TIGAR: variants seen among roughly 807,000 people sequenced by gnomAD.
TIGAR encodes the protein TP53 induced glycolysis regulatory phosphatase, also known as fructose-2,6-bisphosphatase TIGAR.
In TIGAR, 7 loss-of-function variants were observed where a neutral mutation model predicts 17.9. The ratio of observed to expected loss-of-function variants is 0.39; its 90% CI spans 0.22 to 0.73. The LOEUF is 0.73. Among genes scored for constraint, TIGAR ranks in the 30% least tolerant of loss-of-function variants. The pLI, the probability that TIGAR is intolerant of heterozygous loss-of-function variation, is 0.42. For missense variants in TIGAR, 258 were observed against 327.4 expected (o/e 0.79, Z 1.64); for synonymous variants, 94 against 108.6 (o/e 0.87, Z 0.84).
At chr12:4,324,734 GTCCC>G in intron 1 of TIGAR, 4 of 753,324 alleles carry the variant, frequency 5.3e-6, no homozygotes, top group Admixed American at 2.0e-5. Context: ...GACACGTCCC[GTCCC>G]GCAGCTGGTC....
At chr12:4,327,580 A>T in intron 1 of TIGAR, among the ~76,000 whole-genome samples, 1 of 152,148 alleles carries the variant, frequency 6.6e-6, no homozygotes, top group Non-Finnish European at 1.5e-5. Flanking sequence ...TTACAGGAAT[A>T]TACTCTCAAA....
intron 1 of TIGAR, among the ~76,000 whole-genome samples, chr12:4,330,559 T>G (rs1323546983): frequency 6.6e-6 from 1 of 152,248 alleles, no homozygotes; most frequent in Non-Finnish European, 1.5e-5. Context: ...ATTGTTAACC[T>G]ATCCTGCTGT....
rs1300285486 is a variant in TIGAR at position 4,358,171 on chromosome 12, A to G, written c.*5480A>G. 1.3e-5 allele frequency among the ~76,000 whole-genome samples: 2 copies of G among 151,390 alleles called. No homozygotes were observed. Among genetic ancestry groups the G allele is most frequent in the African/African-American group, 4.9e-5 (2 of 41,234 alleles). On this transcript the variant is annotated 3_prime_UTR_variant, in exon 6 of 6. Coordinates refer to ENST00000179259, the MANE Select transcript of TIGAR (RefSeq NM_020375.3). ...CATGGTGACTCAGGCCTGTAATCCC[A>G]GCACTTTGGGAGGCCAAGGTGGGTG...
At chr12:4,349,340 A>G (rs1412420812) in intron 3 of TIGAR, among the ~76,000 whole-genome samples, 1 of 152,204 alleles carries the variant, frequency 6.6e-6, no homozygotes, top group Non-Finnish European at 1.5e-5. Context: ...GAGAATATCA[A>G]AATCAGGAAT....
intron 2 of TIGAR, among the ~76,000 whole-genome samples, chr12:4,336,291 C>T (rs1464428583): frequency 6.6e-6 from 1 of 152,198 alleles, no homozygotes; most frequent in Non-Finnish European, 1.5e-5. Flanking sequence ...CCGTCCCCTC[C>T]AGCAGGCCTC....
At position 4,359,137 on chromosome 12, in the gene TIGAR, T is replaced by C. The variant is rs1864947326; in HGVS notation, c.*6446T>C. 6.6e-6 allele frequency among the ~76,000 whole-genome samples: 1 copy of C among 151,670 alleles called. No homozygotes were observed. Among genetic ancestry groups the C allele is most frequent in the Non-Finnish European group, 1.5e-5 (1 of 67,948 alleles). On this transcript the variant is annotated 3_prime_UTR_variant, in exon 6 of 6. Transcript: ENST00000179259. ...TTTTTTCTTTAGCCAACTCACGCCA[T>C]GACTCTACTTTTGCTTCTATGTTTA...
intron 1 of TIGAR, chr12:4,324,363 G>T: frequency 2.9e-5 from 25 of 859,490 alleles, no homozygotes; most frequent in Non-Finnish European, 4.8e-5. Flanking sequence ...GCCTTTATTA[G>T]CTGAGCCACT....
chr12:4,325,240 C>G (rs1423140967), intron 1 of TIGAR, among the ~76,000 whole-genome samples: 7 of 150,544 alleles, frequency 4.6e-5, no homozygotes. Flanking sequence ...CCCCACCTGG[C>G]CGAATTAGTA....
chr12:4,352,830 A>G lies in TIGAR; in HGVS notation c.*139A>G, dbSNP rs762700215. ...TTAGCTCCAGTGGAACCATAGCCAC[A>G]TAAAACTTTAATGGACAACCATATA... On this transcript the variant is annotated 3_prime_UTR_variant, in exon 6 of 6. Coordinates refer to ENST00000179259, the MANE Select transcript of TIGAR (RefSeq NM_020375.3). The G allele has an allele frequency of 2.8e-6, 2 of 721,252 alleles. No homozygotes were observed. The highest frequency in any genetic ancestry group is 4.4e-6 in the Non-Finnish European group (2 of 449,624). 44.7% of individuals were successfully genotyped at this position (721,252 alleles called of 1,614,324 possible). A position where few individuals can be genotyped will look rare whatever the true frequency, so the allele number is the denominator to read the frequency against.
In TIGAR at chr12:4,324,411, G is replaced by C. The variant is rs933913420; in HGVS notation, c.32+3108G>C. ...TGAAGCGGGAGGAGTGGGTGGCCCC[G>C]ATGCCGGGCCGGCAGTGCTTCACCA... On this transcript the variant is annotated intron_variant, in intron 1 of 5. Transcript: ENST00000179259. 3 of 1,381,914 alleles carry C rather than the reference G, an allele frequency of 2.2e-6. No individual in the cohort carries two copies. The South Asian group carries it at 3.5e-5, about 16-fold the overall frequency. 85.6% of individuals were successfully genotyped at this position (1,381,914 alleles called of 1,614,324 possible). A position where few individuals can be genotyped will look rare whatever the true frequency, so the allele number is the denominator to read the frequency against.
At position 4,358,029 on chromosome 12, in the gene TIGAR, G is replaced by A. The variant is rs550810054; in HGVS notation, c.*5338G>A. On this transcript the variant is annotated 3_prime_UTR_variant, in exon 6 of 6. Coordinates refer to ENST00000179259, the MANE Select transcript of TIGAR (RefSeq NM_020375.3). ...TGAGGCAGTAGAATGGCGTGAACCC[G>A]GGAGGTGGAGCTTGCAGTGAGCCAA... Among the ~76,000 whole-genome samples, 26 of 151,714 alleles carry A rather than the reference G, an allele frequency of 1.7e-4. No individual in the cohort carries two copies. The highest frequency in any genetic ancestry group is 5.1e-4 in the African/African-American group (21 of 41,336).
Position 4,358,085 on chromosome 12 carries a change from CAG to C in TIGAR, c.*5397_*5398del, listed in dbSNP as rs1460136387. 7.9e-6 allele frequency among the ~76,000 whole-genome samples: 1 copy of C among 127,206 alleles called. No homozygotes were observed. Among genetic ancestry groups the C allele is most frequent in the East Asian group, 2.3e-4 (1 of 4,412 alleles). The allele number at this position is 127,206 out of a possible 152,430, so 83.5% of individuals were successfully genotyped here. On this transcript the variant is annotated 3_prime_UTR_variant, in exon 6 of 6. Coordinates refer to ENST00000179259, the MANE Select transcript of TIGAR (RefSeq NM_020375.3). Reference sequence around the variant, plus strand: ...CGCCACTGCACTGCAGCCTGGGTGACAGAGCAAGACTGGGTCTCAAAAAAAAA... The same window carrying C: ...CGCCACTGCACTGCAGCCTGGGTGACAGCAAGACTGGGTCTCAAAAAAAAA...
At position 4,333,401 on chromosome 12, in the gene TIGAR, T is replaced by C. The variant is rs146234499; in HGVS notation, c.70+2084T>C. Among the ~76,000 whole-genome samples, 480 of 152,046 alleles carry C rather than the reference T, an allele frequency of 3.2e-3. 6 individuals carry two copies. The highest frequency in any genetic ancestry group is 0.011 in the African/African-American group (453 of 41,494). On this transcript the variant is annotated intron_variant, in intron 2 of 5. Coordinates refer to ENST00000179259, the MANE Select transcript of TIGAR (RefSeq NM_020375.3). Reference sequence around the variant, plus strand: ...GCCTCCCGGGTTCAAGCAATTCTCCTGCCCGAGACTCCCGAGTAGCTGGGA... The same window carrying C: ...GCCTCCCGGGTTCAAGCAATTCTCCCGCCCGAGACTCCCGAGTAGCTGGGA...
chr12:4,340,218 G>A (rs1166536455), intron 3 of TIGAR, among the ~76,000 whole-genome samples: 1 of 152,170 alleles, frequency 6.6e-6, no homozygotes, highest in Non-Finnish European at 1.5e-5. Flanking sequence ...AAAGTTGCAG[G>A]ATGCAAAGCA....
In TIGAR at chr12:4,356,493, C is replaced by T. The variant is rs539659998; in HGVS notation, c.*3802C>T. On this transcript the variant is annotated 3_prime_UTR_variant, in exon 6 of 6. Coordinates refer to ENST00000179259, the MANE Select transcript of TIGAR (RefSeq NM_020375.3). ...AGAGATTTCCCATCTATCCCCTGCC[C>T]CTACACACGCATTGCTTCTCCTACT... 1.9e-4 allele frequency among the ~76,000 whole-genome samples: 29 copies of T among 152,196 alleles called. No homozygotes were observed. Among genetic ancestry groups the T allele is most frequent in the African/African-American group, 5.8e-4 (24 of 41,520 alleles).
intron 1 of TIGAR, among the ~76,000 whole-genome samples, chr12:4,330,932 C>A (rs1269256511): frequency 1.3e-5 from 2 of 152,138 alleles, no homozygotes; most frequent in East Asian, 3.8e-4. Context: ...TTCCTGCTGC[C>A]AGTAAGAGTA....
rs535541599 is a variant in TIGAR at position 4,354,413 on chromosome 12, G to C, written c.*1722G>C. 3 of 151,900 alleles carry C rather than the reference G, an allele frequency of 2.0e-5. No individual in the cohort carries two copies. In the East Asian group the frequency reaches 5.8e-4, roughly 29 times the overall value. The allele number at this position is 151,900 out of a possible 1,614,324, so 9.4% of individuals were successfully genotyped here. On this transcript the variant is annotated 3_prime_UTR_variant, in exon 6 of 6. Coordinates refer to ENST00000179259, the MANE Select transcript of TIGAR (RefSeq NM_020375.3). ...ATAAAAGTAGAGTTCTCTTTAACCA[G>C]CTCTCACAGTCCTGTTCCCTCCAGA...
chr12:4,352,229 T>C, intron 5 of TIGAR, 31 bp from the exon 6 acceptor site: 1 of 1,576,658 alleles, frequency 6.3e-7, no homozygotes, highest in Non-Finnish European at 8.6e-7. Context: ...TTAATGTCAC[T>C]TTATTTTGAC....
At chr12:4,343,124 T>A (rs1420664898) in intron 3 of TIGAR, among the ~76,000 whole-genome samples, 1 of 151,972 alleles carries the variant, frequency 6.6e-6, no homozygotes, top group Non-Finnish European at 1.5e-5. Flanking sequence ...CCAGCAAAGA[T>A]CAGAAGAGAC....
Sources: allele counts gnomAD v4.1 joint callset (sites outside exome capture counted in the v4.1 genomes callset), GRCh38; gene constraint gnomAD v4.1.1; transcripts MANE v1.5; gene names NCBI Gene and HGNC (gene_info 2026-07-23, HGNC 2026-07-21).